PNPLA3: variants seen among roughly 807,000 people sequenced by gnomAD.
PNPLA3 encodes the protein 1-acylglycerol-3-phosphate O-acyltransferase PNPLA3.
PNPLA3 carries 42 observed loss-of-function variants against 43.1 expected under a neutral mutation model. The ratio of observed to expected loss-of-function variants is 0.97; its 90% CI spans 0.76 to 1.26. PNPLA3 has a LOEUF of 1.26. Among genes scored for constraint, PNPLA3 ranks in the 50% most tolerant of loss-of-function variants. PNPLA3 has a pLI of 0.00. For synonymous variants in PNPLA3, 272 were observed against 253.6 expected, an observed-to-expected ratio of 1.07 and a Z score of -0.69; for missense variants, 647 against 621.4, an observed-to-expected ratio of 1.04 and a Z score of -0.44.
intron 4 of PNPLA3, among the ~76,000 whole-genome samples, chr22:43,933,870 G>C (rs1206744732): frequency 6.6e-6 from 1 of 152,200 alleles, no homozygotes; most frequent in Non-Finnish European, 1.5e-5. Context: ...CACAGTCCAA[G>C]GGAGAGGGAA....
chr22:43,924,165 G>T (rs2049905872), intron 1 of PNPLA3, 67 bp downstream of exon 1: 3 of 1,381,774 alleles, frequency 2.2e-6, no homozygotes, highest in Non-Finnish European at 2.8e-6. Flanking sequence ...GGGAGCGGGG[G>T]ATCCCCAGGG....
chr22:43,930,477 T>C (rs1408273394), intron 3 of PNPLA3, among the ~76,000 whole-genome samples: 1 of 152,194 alleles, frequency 6.6e-6, no homozygotes, highest in Non-Finnish European at 1.5e-5. Flanking sequence ...CTTGTTATGC[T>C]GGTGGCTTTA....
chr22:43,939,156 C>T (rs2050015034), intron 6 of PNPLA3, among the ~76,000 whole-genome samples: 1 of 152,116 alleles, frequency 6.6e-6, no homozygotes, highest in South Asian at 2.1e-4. Context: ...GAACTCCTGA[C>T]CTCAAGTGAT....
intron 2 of PNPLA3, 84 bp downstream of exon 2, chr22:43,927,251 C>A: frequency 7.6e-7 from 1 of 1,321,572 alleles, no homozygotes; most frequent in Non-Finnish European, 1.1e-6. Flanking sequence ...GTCATCCCGG[C>A]ACTTTGGGAG....
At chr22:43,938,658 C>A (rs1280257231) in intron 6 of PNPLA3, among the ~76,000 whole-genome samples, 1 of 152,246 alleles carries the variant, frequency 6.6e-6, no homozygotes, top group Non-Finnish European at 1.5e-5. Context: ...ATGATCCAAT[C>A]ACCTCCCATC....
intron 5 of PNPLA3, 89 bp downstream of exon 5, chr22:43,934,755 A>G: frequency 7.9e-7 from 1 of 1,266,954 alleles, no homozygotes; most frequent in South Asian, 1.2e-5. Context: ...CCTTAGTTCT[A>G]ACACTTAGTG....
In PNPLA3 at chr22:43,927,119, G is replaced by C. The variant is rs142353105; in HGVS notation, c.372G>C (p.Gly124=). ...TCTCTCTTACCAGAGTGTCTGATGG[G>C]GAAAACGTTCTGGTGTCTGACTTTC... ...IGISLTRVSD[G]ENVLVSDFRS... Residue 124 remains glycine (G), a synonymous_variant, in exon 2 of 9, where the codon GGG becomes GGC. Transcript: ENST00000216180. 1.5e-5 allele frequency: 25 copies of C among 1,614,218 alleles called. No homozygotes were observed. The highest frequency in any genetic ancestry group is 2.0e-5 in the Non-Finnish European group (24 of 1,180,034).
At chr22:43,924,172 A>C in intron 1 of PNPLA3, 74 bp downstream of exon 1, 2 of 1,366,338 alleles carry the variant, frequency 1.5e-6, no homozygotes, top group Non-Finnish European at 9.4e-7. Flanking sequence ...GGGGATCCCC[A>C]GGGGTCGCGG....
intron 1 of PNPLA3, among the ~76,000 whole-genome samples, chr22:43,926,489 G>C (rs1336791368): frequency 6.6e-6 from 1 of 152,164 alleles, no homozygotes; most frequent in Non-Finnish European, 1.5e-5. Flanking sequence ...TGGAGGTGAG[G>C]CCTGCTCGCC....
At chr22:43,926,500 T>A (rs60590913) in intron 1 of PNPLA3, among the ~76,000 whole-genome samples, 1,632 of 152,306 alleles carry the variant, frequency 0.011, 35 homozygotes, top group African/African-American at 0.037. Flanking sequence ...CCTGCTCGCC[T>A]GGGCTTCTGG....
intron 5 of PNPLA3, among the ~76,000 whole-genome samples, chr22:43,935,375 T>C (rs1203955435): frequency 6.6e-6 from 1 of 152,182 alleles, no homozygotes; most frequent in Non-Finnish European, 1.5e-5. Flanking sequence ...GTGTGACCCT[T>C]GCCAGCCTTG....
intron 7 of PNPLA3, 91 bp downstream of exon 7, chr22:43,940,216 C>T: frequency 7.0e-7 from 1 of 1,434,822 alleles, no homozygotes; most frequent in Non-Finnish European, 9.6e-7. Flanking sequence ...TAGTCTGGGA[C>T]CTGGATTGTC....
intron 6 of PNPLA3, among the ~76,000 whole-genome samples, chr22:43,937,528 G>A (rs1043984066): frequency 1.3e-5 from 2 of 152,130 alleles, no homozygotes; most frequent in Non-Finnish European, 1.5e-5. Context: ...CTCCAGCTGA[G>A]CCCCTTGGGG....
Position 43,927,166 on chromosome 22 carries a change from A to C in PNPLA3, c.419A>C (p.Asp140Ala). The change falls in exon 2 of 9, where the codon GAT becomes GCT. Residue 140 changes from aspartate to alanine, a missense_variant and splice_region_variant. Coordinates refer to ENST00000216180, the MANE Select transcript of PNPLA3 (RefSeq NM_025225.3). ...TTTCGGTCCAAAGACGAAGTCGTGG[A>C]TGTAAGCAGTTTGCTTATCTGGACG... is the stretch of plus-strand genomic sequence containing the variant. ...SDFRSKDEVVDALVCSCFIPF... is the reference protein window; with the variant it reads ...SDFRSKDEVVAALVCSCFIPF... 6.2e-7 allele frequency: 1 copy of C among 1,613,644 alleles called. No homozygotes were observed. The highest frequency in any genetic ancestry group is 8.5e-7 in the Non-Finnish European group (1 of 1,179,570).
In PNPLA3 at chr22:43,932,897, T is replaced by C. The variant is rs748930436; in HGVS notation, c.506T>C (p.Val169Ala). The stretch of plus-strand genomic sequence containing the variant: ...TAAAAGCGATATGTGGATGGAGGAG[T>C]GAGTGACAACGTACCCTTCATTGAT... ...FRGVRYVDGG[V>A]SDNVPFIDAK... Residue 169 changes from valine to alanine, a missense_variant, in exon 4 of 9, where the codon GTG becomes GCG. Coordinates refer to ENST00000216180, the MANE Select transcript of PNPLA3 (RefSeq NM_025225.3). The C allele has an allele frequency of 8.7e-6, 14 of 1,613,986 alleles. No individual in the cohort carries two copies. Among genetic ancestry groups the C allele is most frequent in the Non-Finnish European group, 1.2e-5 (14 of 1,180,004 alleles).
At chr22:43,935,032 GT>G (rs1205051655) in intron 5 of PNPLA3, among the ~76,000 whole-genome samples, 1 of 152,126 alleles carries the variant, frequency 6.6e-6, no homozygotes, top group Non-Finnish European at 1.5e-5. Context: ...AAGTTAAAGA[GT>G]TTCTGCGCCT....
At chr22:43,928,959 G>A (rs2146776911) in intron 3 of PNPLA3, 70 bp downstream of exon 3, 1 of 1,468,084 alleles carries the variant, frequency 6.8e-7, no homozygotes, top group Middle Eastern at 1.8e-4. Flanking sequence ...TCTCCTGCCT[G>A]CAGGGCACTG....
intron 7 of PNPLA3, among the ~76,000 whole-genome samples, chr22:43,944,143 C>T (rs1008996411): frequency 6.6e-6 from 1 of 152,128 alleles, no homozygotes; most frequent in Non-Finnish European, 1.5e-5. Flanking sequence ...TTCTCTCCCT[C>T]GCCTTCCTAG....
At chr22:43,940,192 A>G in intron 7 of PNPLA3, 67 bp downstream of exon 7, 1 of 1,528,558 alleles carries the variant, frequency 6.5e-7, no homozygotes, top group South Asian at 1.1e-5. Flanking sequence ...AAGATGATAG[A>G]TCATGGTGGC....
Sources: allele counts gnomAD v4.1 joint callset (sites outside exome capture counted in the v4.1 genomes callset), GRCh38; gene constraint gnomAD v4.1.1; transcripts MANE v1.5; gene names NCBI Gene and HGNC (gene_info 2026-07-23, HGNC 2026-07-21).